PRKDC: variants seen among roughly 807,000 people sequenced by gnomAD.
PRKDC encodes DNA-dependent protein kinase catalytic subunit.
A neutral mutation model predicts 486.9 loss-of-function variants in PRKDC; 82 were observed. The ratio of observed to expected loss-of-function variants is 0.17; its 90% confidence interval spans 0.14 to 0.20. The LOEUF (loss-of-function observed/expected upper bound fraction) is 0.20. PRKDC is among the 10% of genes least tolerant of loss of function. PRKDC has a pLI of 1.00. For missense variants in PRKDC, 4,504 were observed against 5,038.2 expected (o/e 0.89, Z 3.21); for synonymous variants, 1,895 against 1,837.0 (o/e 1.03, Z -0.81).
chr8:47,803,173 G>A, intron 70 of PRKDC, 133 bp downstream of exon 70: 1 of 839,442 alleles, frequency 1.2e-6, no homozygotes, highest in South Asian at 2.4e-5. Context: ...GGCTCACTTT[G>A]CTATATTCCC....
At position 47,953,798 on chromosome 8, in the gene PRKDC, T is replaced by A; in HGVS notation, c.621+9A>T. 1 of 1,572,324 alleles carries A rather than the reference T, an allele frequency of 6.4e-7. No individual in the cohort carries two copies. The highest frequency in any genetic ancestry group is 8.6e-7 in the Non-Finnish European group (1 of 1,156,642). ...CTATGGAAGCAGAATGTCATAAAGT[T>A]CATCATACCTGGGTCTTAAGTTCAC... is the stretch of plus-strand genomic sequence containing the variant. On this transcript the variant is annotated intron_variant, in intron 6 of 85. Coordinates refer to ENST00000314191, the MANE Select transcript of PRKDC (RefSeq NM_006904.7).
intron 54 of PRKDC, among the ~76,000 whole-genome samples, chr8:47,847,028 G>A (rs1459744801): frequency 1.3e-5 from 2 of 151,924 alleles, no homozygotes; most frequent in Non-Finnish European, 2.9e-5. Context: ...ATGAAAAAAC[G>A]GATTAGAAGA....
At chr8:47,879,851 T>G (rs1473826865) in intron 38 of PRKDC, among the ~76,000 whole-genome samples, 193 bp from the exon 39 acceptor site, 1 of 144,792 alleles carries the variant, frequency 6.9e-6, no homozygotes, top group Admixed American at 6.9e-5. Flanking sequence ...TTTTTTTTTT[T>G]TTTTTTTGAG....
intron 59 of PRKDC, 104 bp downstream of exon 59, chr8:47,834,092 G>A (rs184848039): frequency 5.0e-6 from 7 of 1,411,132 alleles, no homozygotes; most frequent in South Asian, 1.2e-5. Context: ...GCTTGATTAC[G>A]AATGAGAAGG....
intron 25 of PRKDC, among the ~76,000 whole-genome samples, chr8:47,906,643 G>C (rs2089787687): frequency 6.6e-6 from 1 of 150,742 alleles, no homozygotes; most frequent in South Asian, 2.1e-4. Context: ...AAAGTAAAAT[G>C]CTTGTGGTGG....
At chr8:47,849,622 A>G (rs901921019) in intron 52 of PRKDC, 119 bp from the exon 53 acceptor site, 2 of 1,168,624 alleles carry the variant, frequency 1.7e-6, no homozygotes, top group Non-Finnish European at 2.4e-6. Flanking sequence ...GTTGTCACCT[A>G]CAAGGTAGAT....
rs751921689 is a variant in PRKDC, at chr8:47,849,477, C to G, written c.7032G>C (p.Leu2344=). The G allele has an allele frequency of 7.4e-6, 12 of 1,613,968 alleles. No homozygotes were observed. Among genetic ancestry groups the G allele is most frequent in the Non-Finnish European group, 7.6e-6 (9 of 1,179,866 alleles). Residue 2344 remains leucine (L), a synonymous_variant, in exon 53 of 86, where the codon CTG becomes CTC. Transcript: ENST00000314191. ...GATGTTGCTTCAATTGTTTCGCAAC[C>G]AGTTCACACAGAGACTCCTCCAGTA... ...KNILEESLCE[L]VAKQLKQHQN... is the part of the protein sequence containing the mutation.
intron 74 of PRKDC, among the ~76,000 whole-genome samples, chr8:47,790,546 T>C (rs569907551): frequency 5.3e-5 from 8 of 152,148 alleles, no homozygotes; most frequent in African/African-American, 9.7e-5. Flanking sequence ...TTCACAGACA[T>C]AGGAAAAATA....
chr8:47,913,928 C>T lies in PRKDC; in HGVS notation c.2754G>A (p.Ala918=), dbSNP rs748858597. The part of the protein sequence containing the change: ...DVFLPRVTEL[A]LTASDRQTKV... The stretch of plus-strand genomic sequence containing the variant: ...TAGTTTGTCTGTCACTGGCTGTGAG[C>T]GCTAATTCTGTGACTCGAGGCAGGA... The change falls in exon 24 of 86, where the codon GCG becomes GCA. Residue 918 remains alanine (A), a synonymous_variant. Coordinates refer to ENST00000314191, the MANE Select transcript of PRKDC (RefSeq NM_006904.7). The T allele has an allele frequency of 1.1e-5, 18 of 1,609,574 alleles. No homozygotes were observed. Among genetic ancestry groups the T allele is most frequent in the South Asian group, 4.4e-5 (4 of 90,222 alleles).
chr8:47,812,101 A>G (rs1347135779), intron 68 of PRKDC, among the ~76,000 whole-genome samples: 1 of 152,256 alleles, frequency 6.6e-6, no homozygotes, highest in Non-Finnish European at 1.5e-5. Flanking sequence ...GCAGTTATCC[A>G]TATGTATGTA....
chr8:47,900,294 G>A (rs2089655576), intron 28 of PRKDC, 79 bp downstream of exon 28: 16 of 990,436 alleles, frequency 1.6e-5, no homozygotes, highest in Non-Finnish European at 2.2e-5. Context: ...CCTTATAAGA[G>A]AATCACACGA....
chr8:47,825,782 T>C (rs1248780002), intron 63 of PRKDC, among the ~76,000 whole-genome samples: 2 of 152,206 alleles, frequency 1.3e-5, no homozygotes, highest in Non-Finnish European at 2.9e-5. Context: ...AAAATCAGCA[T>C]AGCTCAGAGG....
chr8:47,955,744 A>T (rs1167935181), intron 4 of PRKDC, 130 bp downstream of exon 4: 2 of 661,160 alleles, frequency 3.0e-6, no homozygotes, highest in African/African-American at 1.8e-5. Flanking sequence ...TGTGCATCTT[A>T]CCCACACATC....
chr8:47,847,942 A>G (rs1404015448), intron 54 of PRKDC, among the ~76,000 whole-genome samples: 2 of 151,914 alleles, frequency 1.3e-5, no homozygotes, highest in East Asian at 3.8e-4. Flanking sequence ...ATGAGATACC[A>G]TCTCACACCA....
chr8:47,934,744 C>T (rs559688740), intron 14 of PRKDC, among the ~76,000 whole-genome samples: 1 of 152,156 alleles, frequency 6.6e-6, no homozygotes, highest in South Asian at 2.1e-4. Flanking sequence ...GCAATTTGTC[C>T]TAGAGTTTCA....
At chr8:47,863,644 T>G in intron 41 of PRKDC, 67 bp from the exon 42 acceptor site, 1 of 1,287,686 alleles carries the variant, frequency 7.8e-7, no homozygotes, top group Non-Finnish European at 1.1e-6. Context: ...ATAGAATATA[T>G]CAAATTTAAT....
At chr8:47,880,631 AT>A (rs1290825469) in intron 38 of PRKDC, among the ~76,000 whole-genome samples, 1 of 152,194 alleles carries the variant, frequency 6.6e-6, no homozygotes, top group African/African-American at 2.4e-5. Flanking sequence ...ATCACCAAAA[AT>A]TTTTATATTA....
chr8:47,854,791 A>C (rs1346272159), intron 50 of PRKDC, among the ~76,000 whole-genome samples: 3 of 152,170 alleles, frequency 2.0e-5, no homozygotes, highest in Non-Finnish European at 2.9e-5. Context: ...TCCTGTTCAC[A>C]TCCAGGTTCC....
At chr8:47,864,839 G>T in intron 40 of PRKDC, 76 bp from the exon 41 acceptor site, 1 of 1,262,998 alleles carries the variant, frequency 7.9e-7, no homozygotes, top group Non-Finnish European at 1.1e-6. Context: ...TACATAACAG[G>T]CAAAGTAAAC....
Sources: gnomAD v4.1 joint callset for allele counts (sites outside exome capture counted in the v4.1 genomes callset) on GRCh38, gnomAD v4.1.1 for gene constraint, MANE v1.5 for transcripts, NCBI Gene and HGNC (gene_info 2026-07-23, HGNC 2026-07-21) for gene names.